Variants in SETD2 observed in about 807,000 individuals in gnomAD.
The protein encoded by SETD2 is SET domain containing 2, histone lysine methyltransferase, also known as histone-lysine N-methyltransferase SETD2.
Under a neutral mutation model 242.1 loss-of-function variants are expected in SETD2, and 31 were observed. The ratio of observed to expected loss-of-function variants is 0.13; its 90% CI spans 0.10 to 0.17. SETD2 has a LOEUF of 0.17. Among genes scored for constraint, SETD2 ranks in the 10% least tolerant of loss-of-function variants. SETD2 has a pLI of 1.00. For missense variants in SETD2, 2,481 were observed against 3,046.3 expected (o/e 0.81, Z 4.37); for synonymous variants, 1,006 against 1,066.5 (o/e 0.94, Z 1.11).
intron 11 of SETD2, 41 bp from the exon 12 acceptor site, chr3:47,084,423 T>A (rs1378735554): frequency 2.2e-6 from 3 of 1,350,516 alleles, no homozygotes; most frequent in Non-Finnish European, 3.0e-6. Flanking sequence ...TTTGTACAGT[T>A]GACTTTTTTT....
chr3:47,136,578 C>T (rs1339152947), intron 1 of SETD2, among the ~76,000 whole-genome samples: 1 of 152,106 alleles, frequency 6.6e-6, no homozygotes, highest in Non-Finnish European at 1.5e-5. Context: ...TAAGTGGGAG[C>T]TAAACAATGG....
At chr3:47,148,740 A>G (rs1479635226) in intron 1 of SETD2, among the ~76,000 whole-genome samples, 1 of 152,168 alleles carries the variant, frequency 6.6e-6, no homozygotes, top group Non-Finnish European at 1.5e-5. Flanking sequence ...TAGACATCCA[A>G]TCGACTTACA....
At chr3:47,018,684 CAGAT>C (rs1328053068) in intron 19 of SETD2, among the ~76,000 whole-genome samples, 1 of 152,208 alleles carries the variant, frequency 6.6e-6, no homozygotes, top group Non-Finnish European at 1.5e-5. Flanking sequence ...CCCTCAAACA[CAGAT>C]AGGGATTTCA....
At chr3:47,095,942 G>A (rs1049993349) in intron 9 of SETD2, among the ~76,000 whole-genome samples, 2 of 151,862 alleles carry the variant, frequency 1.3e-5, no homozygotes, top group African/African-American at 4.8e-5. Flanking sequence ...TTTTAATAGA[G>A]ATGAGGTCTC....
rs867342876 is a variant in SETD2, at chr3:47,056,987, T to C, written c.6797A>G (p.Gln2266Arg). The change falls in exon 15 of 21, where the codon CAG becomes CGG. Residue 2266 changes from glutamine to arginine, a missense_variant. By Grantham distance (43) the Gln-to-Arg change is conservative (BLOSUM62 1). Coordinates refer to ENST00000409792, the MANE Select transcript of SETD2 (RefSeq NM_014159.7). ...ATCCCAAACACTATAATTCTGTCCC[T>C]GAACTGGGCCGGGGGCCGGCACTGG... is the stretch of plus-strand genomic sequence containing the variant. ...VLPVPAPGPVQGQNYSVWDSN... is the reference protein window; with the variant it reads ...VLPVPAPGPVRGQNYSVWDSN... 1.2e-6 allele frequency: 2 copies of C among 1,614,156 alleles called. No homozygotes were observed. The highest frequency in any genetic ancestry group is 2.7e-5 in the African/African-American group (2 of 74,952).
Position 47,120,750 on chromosome 3 carries a change from T to A in SETD2, c.3886A>T (p.Thr1296Ser), listed in dbSNP as rs148795337. The A allele has an allele frequency of 2.5e-6, 4 of 1,614,062 alleles. No individual in the cohort carries two copies. In the African/African-American group the frequency reaches 5.3e-5, roughly 22 times the overall value. Residue 1296 changes from threonine to serine, a missense_variant, in exon 3 of 21, where the codon ACA becomes TCA. Coordinates refer to ENST00000409792, the MANE Select transcript of SETD2 (RefSeq NM_014159.7). ...CCATTGCCTTGCCAGTAATCACGTG[T>A]CCCACCATACTGTTCTGCATTTTGC... Reference protein sequence around the residue: ...YQQNAEQYGGTRDYWQGNGYW... With the variant: ...YQQNAEQYGGSRDYWQGNGYW...
chr3:47,056,635 C>G (rs557886118), intron 15 of SETD2, among the ~76,000 whole-genome samples, 186 bp downstream of exon 15: 1 of 152,270 alleles, frequency 6.6e-6, no homozygotes, highest in East Asian at 1.9e-4. Context: ...TAAGCTGCTT[C>G]TGAGTTACTT....
At chr3:47,099,362 A>G (rs996348230) in intron 8 of SETD2, among the ~76,000 whole-genome samples, 5 of 152,196 alleles carry the variant, frequency 3.3e-5, no homozygotes, top group African/African-American at 1.2e-4. Flanking sequence ...AGGGTTTTGT[A>G]TCTTACTTAA....
intron 15 of SETD2, among the ~76,000 whole-genome samples, chr3:47,052,579 G>C (rs1019152851): frequency 2.0e-5 from 3 of 152,148 alleles, no homozygotes; most frequent in Non-Finnish European, 4.4e-5. Flanking sequence ...CACTTTGGGA[G>C]GCCGAGGCAG....
intron 5 of SETD2, among the ~76,000 whole-genome samples, chr3:47,109,820 T>C (rs1035396778): frequency 1.3e-5 from 2 of 151,874 alleles, no homozygotes; most frequent in Non-Finnish European, 2.9e-5. Flanking sequence ...ACCCCCTCTC[T>C]ACTAAAAATA....
At position 47,123,002 on chromosome 3, in the gene SETD2, T is replaced by C. The variant is rs765512793; in HGVS notation, c.1634A>G (p.Tyr545Cys). 1 of 1,613,854 alleles carries C rather than the reference T, an allele frequency of 6.2e-7. No individual in the cohort carries two copies. The highest frequency in any genetic ancestry group is 8.5e-7 in the Non-Finnish European group (1 of 1,179,718). Residue 545 changes from tyrosine (Y) to cysteine (C), a missense_variant, in exon 3 of 21, where the codon TAT becomes TGT. By Grantham distance (194) the Tyr-to-Cys change is radical. Transcript: ENST00000409792. Reference sequence around the variant, plus strand: ...GGAAGCACTACTGTCATGCTTAGAATATGATGACCCTCGTCGGAATCCCAG... The same window carrying C: ...GGAAGCACTACTGTCATGCTTAGAACATGATGACCCTCGTCGGAATCCCAG... The part of the protein sequence containing the change: ...NELGFRRGSS[Y>C]SKHDSSASRY...
intron 1 of SETD2, among the ~76,000 whole-genome samples, chr3:47,137,317 C>A: frequency 6.6e-6 from 1 of 151,940 alleles, no homozygotes; most frequent in East Asian, 1.9e-4. Flanking sequence ...CTCAGCTTCC[C>A]GAGTAGCTGA....
chr3:47,068,809 GTT>G (rs1313614726), intron 12 of SETD2, among the ~76,000 whole-genome samples: 2 of 149,756 alleles, frequency 1.3e-5, no homozygotes, highest in African/African-American at 2.5e-5. Context: ...TTTTTGTTTT[GTT>G]TTGTTTTTTG....
intron 18 of SETD2, among the ~76,000 whole-genome samples, chr3:47,030,926 T>A (rs1241426212): frequency 1.3e-5 from 2 of 152,202 alleles, no homozygotes; most frequent in Non-Finnish European, 2.9e-5. Flanking sequence ...CGAAATGAGC[T>A]ATCAGGCCAT....
At chr3:47,109,205 A>T (rs2042556537) in intron 5 of SETD2, among the ~76,000 whole-genome samples, 1 of 152,188 alleles carries the variant, frequency 6.6e-6, no homozygotes, top group South Asian at 2.1e-4. Flanking sequence ...TCAAAAAAAG[A>T]CTGATAGATA....
At chr3:47,051,739 A>G (rs1457455448) in intron 15 of SETD2, among the ~76,000 whole-genome samples, 1 of 152,194 alleles carries the variant, frequency 6.6e-6, no homozygotes, top group African/African-American at 2.4e-5. Flanking sequence ...TGAAAAAAAA[A>G]AAATCACCAG....
chr3:47,116,608 T>C lies in SETD2; in HGVS notation c.4586+15A>G. On this transcript the variant is annotated intron_variant, in intron 4 of 20. Coordinates refer to ENST00000409792, the MANE Select transcript of SETD2 (RefSeq NM_014159.7). The stretch of plus-strand genomic sequence containing the variant: ...AGAAGTGTTGAGCAAAAGCCGAGTA[T>C]TCTAATTTACTTACCATTCAATCAT... 6.2e-7 allele frequency: 1 copy of C among 1,601,172 alleles called. No homozygotes were observed. The highest frequency in any genetic ancestry group is 8.5e-7 in the Non-Finnish European group (1 of 1,175,516).
intron 12 of SETD2, among the ~76,000 whole-genome samples, chr3:47,074,153 C>A (rs1216137540): frequency 1.3e-5 from 2 of 152,120 alleles, no homozygotes; most frequent in African/African-American, 2.4e-5. Context: ...AAAATAAATT[C>A]TTTATAAATT....
chr3:47,137,330 C>T (rs1043133175), intron 1 of SETD2, among the ~76,000 whole-genome samples: 3 of 151,676 alleles, frequency 2.0e-5, no homozygotes. Flanking sequence ...GTAGCTGAGA[C>T]TACAGGCAAG....
Sources: allele counts gnomAD v4.1 joint callset (sites outside exome capture counted in the v4.1 genomes callset), GRCh38; gene constraint gnomAD v4.1.1; transcripts MANE v1.5; gene names NCBI Gene and HGNC (gene_info 2026-07-23, HGNC 2026-07-21).